Variants in NPY2R observed in about 807,000 individuals in gnomAD.
NPY2R encodes the protein neuropeptide Y receptor type 2.
Under a neutral mutation model 22.3 loss-of-function variants are expected in NPY2R, and 17 were observed. That is an observed-to-expected ratio of 0.76 (90% CI 0.52 to 1.14). The LOEUF is 1.14. Among genes scored for constraint, NPY2R ranks in the 50% most tolerant of loss-of-function variants. The pLI, the probability that NPY2R is intolerant of heterozygous loss-of-function variation, is 0.00. For missense variants in NPY2R, 424 were observed against 467.9 expected, an observed-to-expected ratio of 0.91 and a Z score of 0.87; for synonymous variants, 209 against 183.4, an observed-to-expected ratio of 1.14 and a Z score of -1.13.
chr4:155,178,002 T>G, the NPY2R span, among the ~76,000 whole-genome samples: 1 of 152,170 alleles, frequency 6.6e-6, no homozygotes, highest in Non-Finnish European at 1.5e-5. Flanking sequence ...AGGTCTATGG[T>G]TCTGTGTAGT....
chr4:155,209,781 A>T (rs148092972), intron 1 of NPY2R, among the ~76,000 whole-genome samples: 1 of 152,192 alleles, frequency 6.6e-6, no homozygotes, highest in East Asian at 1.9e-4. Flanking sequence ...TCCCTGGGAA[A>T]AATGTTCTGG....
chr4:155,204,764 C>A (rs1467809814), upstream of NPY2R, among the ~76,000 whole-genome samples: 1 of 150,378 alleles, frequency 6.6e-6, no homozygotes, highest in African/African-American at 2.5e-5. Context: ...GATTTTACAC[C>A]AATATGCTGA....
chr4:155,202,272 A>G, the NPY2R span, among the ~76,000 whole-genome samples: 1 of 152,138 alleles, frequency 6.6e-6, no homozygotes, highest in African/African-American at 2.4e-5. Context: ...TCCCATACAC[A>G]AGATTCATTT....
the NPY2R span, among the ~76,000 whole-genome samples, chr4:155,202,258 T>G: frequency 6.6e-6 from 1 of 152,196 alleles, no homozygotes; most frequent in African/African-American, 2.4e-5. Context: ...ATTTCTCTAA[T>G]TCTTCCCATA....
At chr4:155,196,381 T>C in the NPY2R span, among the ~76,000 whole-genome samples, 1 of 151,928 alleles carries the variant, frequency 6.6e-6, no homozygotes, top group African/African-American at 2.4e-5. Flanking sequence ...TCATCAGTGA[T>C]GGCAAGAAAG....
the NPY2R span, among the ~76,000 whole-genome samples, chr4:155,195,433 C>T: frequency 6.6e-6 from 1 of 151,922 alleles, no homozygotes; most frequent in Non-Finnish European, 1.5e-5. Flanking sequence ...TGGGAATCTA[C>T]ATTATTGACA....
chr4:155,212,735 A>G (rs951730652), intron 1 of NPY2R, among the ~76,000 whole-genome samples: 2 of 152,250 alleles, frequency 1.3e-5, no homozygotes, highest in East Asian at 3.8e-4. Flanking sequence ...AAACGATGAG[A>G]AAATAGGTGG....
At position 155,214,773 on chromosome 4, in the gene NPY2R, G is replaced by C. The variant is rs550095329; in HGVS notation, c.834G>C (p.Ala278=). 20 of 1,613,972 alleles carry C rather than the reference G, an allele frequency of 1.2e-5. No individual in the cohort carries two copies. The South Asian group carries it at 2.1e-4, about 17-fold the overall frequency. ...KMLVCVVVVF[A]VSWLPLHAFQ... ...TGGTGTGTGTGGTGGTGGTGTTTGCGGTCAGCTGGCTGCCTCTCCATGCCT... is the reference window on the plus strand; with the variant it reads ...TGGTGTGTGTGGTGGTGGTGTTTGCCGTCAGCTGGCTGCCTCTCCATGCCT... The change falls in exon 2 of 2, where the codon GCG becomes GCC. Residue 278 remains alanine (A), a synonymous_variant. Coordinates refer to ENST00000329476, the MANE Select transcript of NPY2R (RefSeq NM_000910.4).
upstream of NPY2R, among the ~76,000 whole-genome samples, chr4:155,206,357 G>T (rs980154164): frequency 1.3e-5 from 2 of 152,138 alleles, no homozygotes; most frequent in African/African-American, 4.8e-5. Flanking sequence ...GTCACAACTG[G>T]GTTTATGGAC....
the NPY2R span, among the ~76,000 whole-genome samples, chr4:155,202,065 C>G: frequency 6.6e-6 from 1 of 152,140 alleles, no homozygotes; most frequent in Non-Finnish European, 1.5e-5. Context: ...GGAAATTATA[C>G]TTTGACATAT....
Position 155,215,383 on chromosome 4 carries a change from C to T in NPY2R, c.*298C>T. The T allele has an allele frequency of 2.1e-6, 1 of 468,862 alleles. No homozygotes were observed. Among genetic ancestry groups the T allele is most frequent in the South Asian group, 2.1e-5 (1 of 46,992 alleles). 29.0% of individuals were successfully genotyped at this position (468,862 alleles called of 1,614,324 possible). On this transcript the variant is annotated 3_prime_UTR_variant, in exon 2 of 2. Transcript: ENST00000329476. ...TTTCCTGGAGTGAAGAAAACTTGAA[C>T]AAGAAATTGGTATTATCAAAGCATT...
the NPY2R span, among the ~76,000 whole-genome samples, chr4:155,202,851 A>G: frequency 6.6e-6 from 1 of 152,166 alleles, no homozygotes; most frequent in Non-Finnish European, 1.5e-5. Context: ...CTTATTAAAT[A>G]AAATTGAAAT....
At chr4:155,191,555 A>C in the NPY2R span, among the ~76,000 whole-genome samples, 11 of 151,938 alleles carry the variant, frequency 7.2e-5, no homozygotes, top group African/African-American at 2.7e-4. Flanking sequence ...AACACGTTTC[A>C]CATTAATGTT....
chr4:155,202,117 G>C, the NPY2R span, among the ~76,000 whole-genome samples: 1 of 152,152 alleles, frequency 6.6e-6, no homozygotes, highest in African/African-American at 2.4e-5. Flanking sequence ...CATTGACTCA[G>C]TATCACATAT....
chr4:155,194,128 C>T, the NPY2R span, among the ~76,000 whole-genome samples: 1 of 149,948 alleles, frequency 6.7e-6, no homozygotes, highest in Non-Finnish European at 1.5e-5. Flanking sequence ...CTCGACAAAG[C>T]TAGAAAAATG....
At chr4:155,194,540 G>A in the NPY2R span, among the ~76,000 whole-genome samples, 1 of 151,862 alleles carries the variant, frequency 6.6e-6, no homozygotes, top group South Asian at 2.1e-4. Context: ...TAGGATAATG[G>A]ACTCTACCTA....
At chr4:155,211,852 G>T (rs914949536) in intron 1 of NPY2R, among the ~76,000 whole-genome samples, 2 of 152,122 alleles carry the variant, frequency 1.3e-5, no homozygotes, top group Non-Finnish European at 2.9e-5. Context: ...AATCACAATA[G>T]GTCTGTCCTA....
chr4:155,184,048 T>C, the NPY2R span, among the ~76,000 whole-genome samples: 2 of 152,220 alleles, frequency 1.3e-5, no homozygotes, highest in African/African-American at 4.8e-5. Flanking sequence ...ATAGGAGCTG[T>C]GCACCCAGTT....
the NPY2R span, among the ~76,000 whole-genome samples, chr4:155,190,041 T>C: frequency 1.3e-5 from 2 of 152,030 alleles, no homozygotes; most frequent in African/African-American, 4.8e-5. Context: ...AATGCTTAGA[T>C]TTTTAAATCC....
Sources: allele counts gnomAD v4.1 joint callset (sites outside exome capture counted in the v4.1 genomes callset), GRCh38; gene constraint gnomAD v4.1.1; transcripts MANE v1.5; gene names NCBI Gene and HGNC (gene_info 2026-07-23, HGNC 2026-07-21).